Variants in CFAP54 observed in about 807,000 individuals in gnomAD.
The protein encoded by CFAP54 is cilia and flagella associated protein 54, also known as cilia- and flagella-associated protein 54.
In CFAP54, 290 loss-of-function variants were observed where a neutral mutation model predicts 370.4. That is an observed-to-expected ratio of 0.78 (90% CI 0.71 to 0.86). The LOEUF is 0.86. Ranked by LOEUF, CFAP54 falls within the 40% of genes least tolerant of loss-of-function variation. The probability of loss-of-function intolerance (pLI) is 0.00; values close to 1 mark genes in which losing one functional copy is unlikely to be tolerated. For synonymous variants in CFAP54, 1,206 were observed against 1,236.5 expected, an observed-to-expected ratio of 0.98 and a Z score of 0.52; for missense variants, 3,399 against 3,528.7, an observed-to-expected ratio of 0.96 and a Z score of 0.93.
intron 40 of CFAP54, among the ~76,000 whole-genome samples, chr12:96,683,036 G>A (rs373304987): frequency 7.9e-5 from 12 of 152,042 alleles, no homozygotes; most frequent in Non-Finnish European, 1.3e-4. Context: ...TAGACCCAAT[G>A]TTCTCTTTTT....
intron 60 of CFAP54, 107 bp from the exon 61 acceptor site, chr12:96,784,608 CAT>C (rs1350470080): frequency 3.8e-6 from 3 of 780,874 alleles, no homozygotes; most frequent in Non-Finnish European, 5.6e-6. Context: ...AACATAGTAT[CAT>C]GTGTCAGCAT....
chr12:96,836,243 G>C (rs1959185859), intron 66 of CFAP54, among the ~76,000 whole-genome samples: 1 of 152,160 alleles, frequency 6.6e-6, no homozygotes, highest in African/African-American at 2.4e-5. Flanking sequence ...CTGAGGGAAT[G>C]GTCTTCAGAG....
chr12:96,840,168 T>C (rs1959202782), intron 66 of CFAP54, among the ~76,000 whole-genome samples: 1 of 152,238 alleles, frequency 6.6e-6, no homozygotes, highest in African/African-American at 2.4e-5. Flanking sequence ...CTAGGTATTT[T>C]CCTCCTCTGA....
intron 11 of CFAP54, among the ~76,000 whole-genome samples, chr12:96,534,808 AAG>A (rs1955484461): frequency 6.6e-6 from 1 of 152,192 alleles, no homozygotes; most frequent in African/African-American, 2.4e-5. Context: ...AATTTGTACC[AAG>A]TAATGATATA....
intron 45 of CFAP54, among the ~76,000 whole-genome samples, chr12:96,696,864 T>C (rs1957443963): frequency 6.6e-6 from 1 of 152,034 alleles, no homozygotes; most frequent in African/African-American, 2.4e-5. Context: ...TAAACTGGGG[T>C]CAGGGAGTTG....
In CFAP54 at chr12:96,765,059, T is replaced by G; in HGVS notation, c.8140-18T>G. On this transcript the variant is annotated intron_variant, in intron 59 of 67. Coordinates refer to ENST00000524981, the MANE Select transcript of CFAP54 (RefSeq NM_001306084.2). ...AGAAAGCTTATATTTATAATTCTAA[T>G]TTATGCATTAATTGTAGGTCAGTGA... 2.1e-6 allele frequency: 3 copies of G among 1,397,420 alleles called. No homozygotes were observed. The highest frequency in any genetic ancestry group is 2.8e-6 in the Non-Finnish European group (3 of 1,056,526). The allele number at this position is 1,397,420 out of a possible 1,614,324, so 86.6% of individuals were successfully genotyped here. A position where few individuals can be genotyped will look rare whatever the true frequency, so the allele number is the denominator to read the frequency against.
intron 26 of CFAP54, among the ~76,000 whole-genome samples, chr12:96,613,789 G>C (rs1190614968): frequency 3.9e-5 from 6 of 152,108 alleles, no homozygotes; most frequent in Non-Finnish European, 8.8e-5. Flanking sequence ...TAAATTCCTG[G>C]ACACATAGAC....
intron 32 of CFAP54, 80 bp downstream of exon 32, chr12:96,630,731 A>AT: frequency 2.6e-6 from 2 of 772,156 alleles, no homozygotes; most frequent in Non-Finnish European, 3.8e-6. Context: ...TACTAGGGAT[A>AT]CACTGGTGGA....
intron 45 of CFAP54, among the ~76,000 whole-genome samples, chr12:96,697,825 A>G (rs1303522995): frequency 1.3e-5 from 2 of 152,266 alleles, no homozygotes; most frequent in Non-Finnish European, 2.9e-5. Flanking sequence ...AAACTCTCCA[A>G]TAACTCCTTA....
Position 96,860,888 on chromosome 12 carries a change from ATTT to A in CFAP54, c.9243_9245del (p.Leu3082del). 2 of 1,535,108 alleles carry A rather than the reference ATTT, an allele frequency of 1.3e-6. No individual in the cohort carries two copies. Among genetic ancestry groups the A allele is most frequent in the Non-Finnish European group, 1.7e-6 (2 of 1,146,234 alleles). On this transcript the variant is annotated inframe_deletion, in exon 67 of 68. Coordinates refer to ENST00000524981, the MANE Select transcript of CFAP54 (RefSeq NM_001306084.2). Reference sequence around the variant, plus strand: ...ACTTTTTGATCTGGCTAATGGTTGCATTTTATCAGGAGGAAGCCTTTTCAACTG... The same window carrying A: ...ACTTTTTGATCTGGCTAATGGTTGCATATCAGGAGGAAGCCTTTTCAACTG...
intron 39 of CFAP54, among the ~76,000 whole-genome samples, chr12:96,676,610 A>G (rs1279667726): frequency 1.3e-5 from 2 of 152,024 alleles, no homozygotes; most frequent in Admixed American, 1.3e-4. Context: ...CAGCGGCACA[A>G]TCTCAGCTCA....
intron 55 of CFAP54, among the ~76,000 whole-genome samples, chr12:96,748,198 T>G (rs1304091721): frequency 2.6e-5 from 4 of 152,168 alleles, no homozygotes; most frequent in Non-Finnish European, 5.9e-5. Flanking sequence ...CTTCCTACTT[T>G]AAAAGTTTAA....
At chr12:96,530,794 G>T (rs1592834812) in intron 9 of CFAP54, among the ~76,000 whole-genome samples, 1 of 152,178 alleles carries the variant, frequency 6.6e-6, no homozygotes, top group East Asian at 1.9e-4. Flanking sequence ...ATTTCCACCA[G>T]CAATGTGTAA....
chr12:96,536,532 T>A (rs970601878), intron 12 of CFAP54, among the ~76,000 whole-genome samples: 4 of 152,140 alleles, frequency 2.6e-5, no homozygotes, highest in Non-Finnish European at 5.9e-5. Flanking sequence ...GTAAATAAAT[T>A]ATTACAGTGG....
intron 66 of CFAP54, among the ~76,000 whole-genome samples, chr12:96,833,495 T>A (rs559128364): frequency 7.6e-6 from 1 of 132,286 alleles, no homozygotes; most frequent in East Asian, 2.3e-4. Context: ...CCTAATCAAT[T>A]ACACACGCGT....
chr12:96,738,099 A>G (rs1958002520), intron 50 of CFAP54, among the ~76,000 whole-genome samples: 1 of 152,176 alleles, frequency 6.6e-6, no homozygotes, highest in African/African-American at 2.4e-5. Context: ...CAGCCTGGAG[A>G]TGATCGTGGC....
chr12:96,491,420 G>A (rs1954883504), intron 1 of CFAP54, among the ~76,000 whole-genome samples: 1 of 152,196 alleles, frequency 6.6e-6, no homozygotes, highest in African/African-American at 2.4e-5. Context: ...GAATCTGGAA[G>A]TCAGATGAGA....
intron 63 of CFAP54, among the ~76,000 whole-genome samples, chr12:96,800,018 C>T (rs942717258): frequency 6.6e-6 from 1 of 151,916 alleles, no homozygotes; most frequent in Admixed American, 6.6e-5. Context: ...TATATCCATT[C>T]GGAGAGGGTT....
At chr12:96,828,112 T>A (rs1959148959) in intron 65 of CFAP54, among the ~76,000 whole-genome samples, 1 of 142,104 alleles carries the variant, frequency 7.0e-6, no homozygotes, top group Admixed American at 7.9e-5. Flanking sequence ...AATTTTTGCT[T>A]TCTTCATTAC....
Sources: gnomAD v4.1 joint callset for allele counts (sites outside exome capture counted in the v4.1 genomes callset) on GRCh38, gnomAD v4.1.1 for gene constraint, MANE v1.5 for transcripts, NCBI Gene and HGNC (gene_info 2026-07-23, HGNC 2026-07-21) for gene names.